The following SEPTIN9 variants were observed in gnomAD, a reference collection of about 807,000 sequenced individuals.
The protein encoded by SEPTIN9 is septin 9.
SEPTIN9 carries 13 observed loss-of-function variants against 56.6 expected under a neutral mutation model. The ratio of observed to expected loss-of-function variants is 0.23; its 90% confidence interval spans 0.15 to 0.37. The LOEUF (loss-of-function observed/expected upper bound fraction) is 0.37, where lower values mean the gene tolerates loss of function less well. SEPTIN9 is among the 10% of genes least tolerant of loss of function. SEPTIN9 has a pLI of 1.00. For synonymous variants in SEPTIN9, 332 were observed against 334.1 expected (o/e 0.99, Z 0.07); for missense variants, 650 against 823.1 (o/e 0.79, Z 2.57).
intron 3 of SEPTIN9, among the ~76,000 whole-genome samples, chr17:77,480,194 T>G (rs2039398463): frequency 6.6e-6 from 1 of 152,200 alleles, no homozygotes; most frequent in South Asian, 2.1e-4. Flanking sequence ...AATTATATTG[T>G]TCCTTTGTTC....
Position 77,445,432 on chromosome 17 carries a change from T to G in SEPTIN9, c.722-36712T>G, listed in dbSNP as rs1004117796. ...AAGAGTTGGCAGGAAGGCTGAGCTC[T>G]GTGCTCACAACCTGGCTTGGTGGTG... On this transcript the variant is annotated intron_variant, in intron 3 of 11. Transcript: ENST00000427177. This position sits in a 1 kb window ranked among gnomAD's most constrained non-coding sequence, Gnocchi z 4.7. 1 of 470,132 alleles carries G rather than the reference T, an allele frequency of 2.1e-6. No homozygotes were observed. Among genetic ancestry groups the G allele is most frequent in the Non-Finnish European group, 4.4e-6 (1 of 226,952 alleles). 29.1% of individuals were successfully genotyped at this position (470,132 alleles called of 1,614,324 possible). A position where few individuals can be genotyped will look rare whatever the true frequency, so the allele number is the denominator to read the frequency against.
chr17:77,329,604 G>T lies in SEPTIN9; in HGVS notation c.76+22407G>T, dbSNP rs963494420. Among the ~76,000 whole-genome samples the T allele has an allele frequency of 3.3e-5, 5 of 152,046 alleles. No individual in the cohort carries two copies. The highest frequency in any genetic ancestry group is 1.2e-4 in the African/African-American group (5 of 41,362). The stretch of plus-strand genomic sequence containing the variant: ...CTCATCCCTCGTTCCTTCCTGTTTC[G>T]TGGGATGCTGAGTCTCTGGGCAGGG... On this transcript the variant is annotated intron_variant, in intron 2 of 11. Coordinates refer to ENST00000427177, the MANE Select transcript of SEPTIN9 (RefSeq NM_001113491.2). This position sits in a 1 kb window ranked among gnomAD's most constrained non-coding sequence, Gnocchi z 4.3.
intron 3 of SEPTIN9, among the ~76,000 whole-genome samples, chr17:77,457,181 C>T (rs913477386): frequency 2.6e-5 from 4 of 152,170 alleles, no homozygotes; most frequent in Non-Finnish European, 4.4e-5. Flanking sequence ...AGATGGCACC[C>T]GATGGCACAG....
chr17:77,343,309 T>C (rs890419790), intron 2 of SEPTIN9, among the ~76,000 whole-genome samples: 13 of 152,130 alleles, frequency 8.5e-5, no homozygotes, highest in African/African-American at 3.1e-4. Context: ...CATGCTTATG[T>C]AGTGAAGCCT....
At chr17:77,307,601 C>T (rs1326498503) in intron 2 of SEPTIN9, among the ~76,000 whole-genome samples, 2 of 152,060 alleles carry the variant, frequency 1.3e-5, no homozygotes, top group Non-Finnish European at 2.9e-5. Context: ...TGCAACCTTG[C>T]AGGATGGAAG....
chr17:77,475,318 G>T lies in SEPTIN9; in HGVS notation c.722-6826G>T. The stretch of plus-strand genomic sequence containing the variant: ...GGAGCGGGGAGGGCAAGCCCTGGTT[G>T]CGAGGCAGGGCTTCCCCAGGATTCA... On this transcript the variant is annotated intron_variant, in intron 3 of 11. Coordinates refer to ENST00000427177, the MANE Select transcript of SEPTIN9 (RefSeq NM_001113491.2). The surrounding 1 kb of genome is among the most constrained non-coding windows in gnomAD (Gnocchi z 4.6). 1 of 1,425,754 alleles carries T rather than the reference G, an allele frequency of 7.0e-7. No individual in the cohort carries two copies. The highest frequency in any genetic ancestry group is 9.1e-7 in the Non-Finnish European group (1 of 1,095,224). 88.3% of individuals were successfully genotyped at this position (1,425,754 alleles called of 1,614,324 possible). A position where few individuals can be genotyped will look rare whatever the true frequency, so the allele number is the denominator to read the frequency against.
At chr17:77,349,630 C>T (rs964603411) in intron 2 of SEPTIN9, among the ~76,000 whole-genome samples, 6 of 152,178 alleles carry the variant, frequency 3.9e-5, no homozygotes, top group Non-Finnish European at 8.8e-5. Flanking sequence ...TGCTCAGTAC[C>T]TACCTCTGGG....
Position 77,421,264 on chromosome 17 carries a change from GC to G in SEPTIN9, c.721+18564del, listed in dbSNP as rs1369528290. Among the ~76,000 whole-genome samples, 2 of 152,168 alleles carry G rather than the reference GC, an allele frequency of 1.3e-5. No individual in the cohort carries two copies. Among genetic ancestry groups the G allele is most frequent in the African/African-American group, 4.8e-5 (2 of 41,422 alleles). On this transcript the variant is annotated intron_variant, in intron 3 of 11. Coordinates refer to ENST00000427177, the MANE Select transcript of SEPTIN9 (RefSeq NM_001113491.2). This position sits in a 1 kb window ranked among gnomAD's most constrained non-coding sequence, Gnocchi z 4.6. ...CCCCTCTTCCTTCAGTCCCTCAGCT[GC>G]CCTGGATTTTGAAATAAGACACCGC...
intron 2 of SEPTIN9, among the ~76,000 whole-genome samples, chr17:77,391,629 T>C (rs1465842019): frequency 1.3e-5 from 2 of 152,194 alleles, no homozygotes; most frequent in African/African-American, 2.4e-5. Context: ...TTAAGACATA[T>C]CGTTTTGGGG....
intron 1 of SEPTIN9, among the ~76,000 whole-genome samples, chr17:77,286,021 G>A (rs890194640): frequency 2.0e-5 from 3 of 152,250 alleles, no homozygotes; most frequent in Admixed American, 1.3e-4. Context: ...CCCCAGCCCC[G>A]TCTCCGCGCC....
In SEPTIN9 at chr17:77,482,158, C is replaced by T. The variant is rs1475890703; in HGVS notation, c.736C>T (p.Pro246Ser). 1 of 1,583,238 alleles carries T rather than the reference C, an allele frequency of 6.3e-7. No individual in the cohort carries two copies. The highest frequency in any genetic ancestry group is 1.3e-5 in the African/African-American group (1 of 74,370). Residue 246 changes from proline to serine, a missense_variant, in exon 4 of 12, where the codon CCC becomes TCC. Coordinates refer to ENST00000427177, the MANE Select transcript of SEPTIN9 (RefSeq NM_001113491.2). ...TCCTTCCCCAGCCACTGAGGCGGCT[C>T]CCAGCTGCGTTGGCGACATGGCCGA... Reference protein sequence around the residue: ...PRSQEATEAAPSCVGDMADTP... With the variant: ...PRSQEATEAASSCVGDMADTP...
intron 1 of SEPTIN9, among the ~76,000 whole-genome samples, chr17:77,304,197 G>A (rs1374593013): frequency 3.9e-5 from 6 of 152,188 alleles, no homozygotes; most frequent in African/African-American, 7.2e-5. Context: ...CAGCAGTGGC[G>A]GCAGCGGCTG....
chr17:77,479,963 C>A (rs533501615), intron 3 of SEPTIN9, among the ~76,000 whole-genome samples: 1 of 152,142 alleles, frequency 6.6e-6, no homozygotes, highest in Admixed American at 6.5e-5. Context: ...AGATGCAGGG[C>A]TGTGTCTTTG....
chr17:77,485,901 T>A (rs1178441821), intron 4 of SEPTIN9, among the ~76,000 whole-genome samples: 1 of 151,954 alleles, frequency 6.6e-6, no homozygotes, highest in Non-Finnish European at 1.5e-5. Context: ...TGCAGTGGCA[T>A]GGTCTTGACT....
Position 77,498,732 on chromosome 17 carries a change from A to T in SEPTIN9, c.*74A>T. 2.3e-6 allele frequency: 1 copy of T among 431,544 alleles called. No homozygotes were observed. Among genetic ancestry groups the T allele is most frequent in the Non-Finnish European group, 3.4e-6 (1 of 295,260 alleles). 26.7% of individuals were successfully genotyped at this position (431,544 alleles called of 1,614,324 possible). ...CCCCCCCAGGCCCTCCCACCACCCC[A>T]TTTTATTTTATATGATTTTCTCCAT... On this transcript the variant is annotated 3_prime_UTR_variant, in exon 12 of 12. Transcript: ENST00000427177.
In SEPTIN9 at chr17:77,497,248, A is replaced by G. The variant is rs187675607; in HGVS notation, c.1574-67A>G. On this transcript the variant is annotated intron_variant, in intron 10 of 11. Coordinates refer to ENST00000427177, the MANE Select transcript of SEPTIN9 (RefSeq NM_001113491.2). ...GGCACCAGCATTTCTGGGCAGGGGG[A>G]GAGAGGTGGGGTCCGGGCAGAGTTT... is the stretch of plus-strand genomic sequence containing the variant. 88 of 1,472,510 alleles carry G rather than the reference A, an allele frequency of 6.0e-5. 1 individual carries two copies. The East Asian group carries it at 1.8e-3, about 29-fold the overall frequency. The allele number at this position is 1,472,510 out of a possible 1,614,324, so 91.2% of individuals were successfully genotyped here.
intron 6 of SEPTIN9, 30 bp from the exon 7 acceptor site, chr17:77,488,697 C>T (rs1423095211): frequency 6.2e-7 from 1 of 1,612,964 alleles, no homozygotes; most frequent in Non-Finnish European, 8.5e-7. Context: ...ATCTCATGTG[C>T]CTGCTGACTC....
Position 77,453,937 on chromosome 17 carries a change from C to A in SEPTIN9, c.722-28207C>A. On this transcript the variant is annotated intron_variant, in intron 3 of 11. Coordinates refer to ENST00000427177, the MANE Select transcript of SEPTIN9 (RefSeq NM_001113491.2). This position sits in a 1 kb window ranked among gnomAD's most constrained non-coding sequence, Gnocchi z 4.4. ...CCTGCCGGTGTCAAAGGTCTCAAGG[C>A]CCCTTTAAGAAGCCTGTCACCACCA... 1 of 500,086 alleles carries A rather than the reference C, an allele frequency of 2.0e-6. No individual in the cohort carries two copies. Among genetic ancestry groups the A allele is most frequent in the Non-Finnish European group, 2.6e-6 (1 of 386,262 alleles). 31.0% of individuals were successfully genotyped at this position (500,086 alleles called of 1,614,324 possible).
intron 2 of SEPTIN9, chr17:77,320,026 C>T: frequency 1.5e-6 from 2 of 1,345,362 alleles, no homozygotes; most frequent in Non-Finnish European, 1.9e-6. Flanking sequence ...CACTTCGGGC[C>T]CTCTCTCCTG....
Sources: allele counts gnomAD v4.1 joint callset (sites outside exome capture counted in the v4.1 genomes callset), GRCh38; gene constraint gnomAD v4.1.1; non-coding constraint Gnocchi (gnomAD v3.1); transcripts MANE v1.5; gene names NCBI Gene and HGNC (gene_info 2026-07-23, HGNC 2026-07-21).